The following IGSF9B variants were observed in gnomAD, a reference collection of about 807,000 sequenced individuals.
IGSF9B encodes protein turtle homolog B.
IGSF9B carries 48 observed loss-of-function variants against 143.7 expected under a neutral mutation model. The observed-to-expected ratio is 0.33, with a 90% CI of 0.26 to 0.42. IGSF9B has a LOEUF of 0.42. Ranked by LOEUF, IGSF9B falls within the 20% of genes least tolerant of loss-of-function variation. The pLI, the probability that IGSF9B is intolerant of heterozygous loss-of-function variation, is 1.00. For missense variants in IGSF9B, 1,706 were observed against 1,980.0 expected (o/e 0.86, Z 2.63); for synonymous variants, 903 against 833.1 (o/e 1.08, Z -1.44).
intron 18 of IGSF9B, among the ~76,000 whole-genome samples, chr11:133,914,049 C>A (rs1200359460): frequency 6.6e-6 from 1 of 152,164 alleles, no homozygotes; most frequent in Non-Finnish European, 1.5e-5. Context: ...ATTCTTCAAG[C>A]CAGGTGAAAC....
At chr11:133,937,776 G>C (rs754426072) in intron 4 of IGSF9B, 34 bp downstream of exon 4, 29 of 1,597,710 alleles carry the variant, frequency 1.8e-5, no homozygotes, top group South Asian at 1.1e-5. Flanking sequence ...CGGGGGAAGA[G>C]ACCGCAGCGG....
rs144348968 is a variant in IGSF9B at position 133,927,340 on chromosome 11, G to A, written c.1632-249C>T. Among the ~76,000 whole-genome samples the A allele has an allele frequency of 3.4e-3, 521 of 152,346 alleles. 3 individuals carry two copies. Among genetic ancestry groups the A allele is most frequent in the African/African-American group, 0.012 (487 of 41,582 alleles). On this transcript the variant is annotated intron_variant, in intron 12 of 19. Coordinates refer to ENST00000533871, the MANE Select transcript of IGSF9B (RefSeq NM_001277285.4). ...CCAAAGGGGCCTTTAGGTGCAAGTC[G>A]TGCTCAGGACACTGGTCAGATGGAT... is the stretch of plus-strand genomic sequence containing the variant.
intron 1 of IGSF9B, among the ~76,000 whole-genome samples, chr11:133,950,653 G>A (rs1940141615): frequency 6.6e-6 from 1 of 152,202 alleles, no homozygotes; most frequent in African/African-American, 2.4e-5. Flanking sequence ...ACCCCACACT[G>A]GGGACAGGTT....
chr11:133,919,204 C>A, intron 18 of IGSF9B: 10 of 381,484 alleles, frequency 2.6e-5, no homozygotes, highest in South Asian at 1.9e-4. Context: ...GAGGAGGGGG[C>A]TGGAGTCCGG....
At chr11:133,955,725 G>T (rs1940238549) in intron 1 of IGSF9B, among the ~76,000 whole-genome samples, 2 of 152,168 alleles carry the variant, frequency 1.3e-5, no homozygotes. Context: ...CCACCCAGAG[G>T]CTTGTAGGTC....
At position 133,909,047 on chromosome 11, in the gene IGSF9B, G is replaced by A. The variant is rs965811148; in HGVS notation, c.*22C>T. 1 of 1,529,558 alleles carries A rather than the reference G, an allele frequency of 6.5e-7. No homozygotes were observed. The highest frequency in any genetic ancestry group is 8.8e-7 in the Non-Finnish European group (1 of 1,141,522). 94.7% of individuals were successfully genotyped at this position (1,529,558 alleles called of 1,614,324 possible). A position where few individuals can be genotyped will look rare whatever the true frequency, so the allele number is the denominator to read the frequency against. ...CCTGAGCCCAGCAACCTCGCCCCGGGGACACCTAGAGTGGGGTGGAGTCAC... is the reference window on the plus strand; with the variant it reads ...CCTGAGCCCAGCAACCTCGCCCCGGAGACACCTAGAGTGGGGTGGAGTCAC... On this transcript the variant is annotated 3_prime_UTR_variant, in exon 20 of 20. Transcript: ENST00000533871. The surrounding 1 kb of genome is among the most constrained non-coding windows in gnomAD (Gnocchi z 4.2).
intron 18 of IGSF9B, among the ~76,000 whole-genome samples, chr11:133,916,609 G>A (rs1412204963): frequency 1.3e-5 from 2 of 152,216 alleles, no homozygotes; most frequent in Non-Finnish European, 2.9e-5. Context: ...GTCCCTCATC[G>A]CTGCCCCTGG....
rs1939065475 is a variant in IGSF9B at position 133,898,800 on chromosome 11, C to T, written c.*10269G>A. 6.6e-6 allele frequency: 1 copy of T among 152,332 alleles called. No homozygotes were observed. Among genetic ancestry groups the T allele is most frequent in the Non-Finnish European group, 1.5e-5 (1 of 68,096 alleles). 9.4% of individuals were successfully genotyped at this position (152,332 alleles called of 1,614,324 possible). On this transcript the variant is annotated 3_prime_UTR_variant, in exon 20 of 20. Transcript: ENST00000533871. ...AGTCCCTGGACTCTGAGACTCCACC[C>T]TCCAATGCCACAGGCAACCCCCTGT...
In IGSF9B at chr11:133,902,689, G is replaced by A. The variant is rs1015414358; in HGVS notation, c.*6380C>T. Among the ~76,000 whole-genome samples the A allele has an allele frequency of 2.0e-5, 3 of 152,178 alleles. No homozygotes were observed. The highest frequency in any genetic ancestry group is 4.4e-5 in the Non-Finnish European group (3 of 68,036). On this transcript the variant is annotated 3_prime_UTR_variant, in exon 20 of 20. Transcript: ENST00000533871. ...CTGGTGCCTGCAGAAGGACACATGA[G>A]ACAATCCCTTCTCCAGCCCTGCCAG...
rs887057151 is a variant in IGSF9B at position 133,913,085 on chromosome 11, A to G, written c.3984-1078T>C. Among the ~76,000 whole-genome samples the G allele has an allele frequency of 2.0e-5, 3 of 151,902 alleles. No homozygotes were observed. The highest frequency in any genetic ancestry group is 4.9e-5 in the African/African-American group (2 of 41,154). On this transcript the variant is annotated intron_variant, in intron 18 of 19. Coordinates refer to ENST00000533871, the MANE Select transcript of IGSF9B (RefSeq NM_001277285.4). The surrounding 1 kb of genome is among the most constrained non-coding windows in gnomAD (Gnocchi z 4.6). ...GGAGCCTGAGGAATGAAGGGGAAAG[A>G]GAAAAAGACAGGTCACTCTGTCTTC...
At chr11:133,934,439 CTTCTCAACTCGCTTT>C (rs1382705701) in intron 7 of IGSF9B, among the ~76,000 whole-genome samples, 1 of 152,260 alleles carries the variant, frequency 6.6e-6, no homozygotes, top group Non-Finnish European at 1.5e-5. Context: ...GTATGAATAA[CTTCTCAACTCGCTTT>C]TTCCCGCTGC....
chr11:133,923,595 T>C (rs1162603157), intron 15 of IGSF9B, among the ~76,000 whole-genome samples: 1 of 152,214 alleles, frequency 6.6e-6, no homozygotes, highest in Non-Finnish European at 1.5e-5. Flanking sequence ...AATCGATAGA[T>C]TGTAACGTAT....
Position 133,902,396 on chromosome 11 carries a change from C to T in IGSF9B, c.*6673G>A, listed in dbSNP as rs961256688. On this transcript the variant is annotated 3_prime_UTR_variant, in exon 20 of 20. Coordinates refer to ENST00000533871, the MANE Select transcript of IGSF9B (RefSeq NM_001277285.4). ...ACCACACACAACACACCACACAATA[C>T]GCACAACACATACCACACACAATAC... Among the ~76,000 whole-genome samples, 8 of 136,914 alleles carry T rather than the reference C, an allele frequency of 5.8e-5. No homozygotes were observed. The highest frequency in any genetic ancestry group is 1.3e-4 in the Non-Finnish European group (8 of 62,844). 89.8% of individuals were successfully genotyped at this position (136,914 alleles called of 152,430 possible).
chr11:133,955,390 C>A (rs186192034), intron 1 of IGSF9B, among the ~76,000 whole-genome samples: 35 of 152,370 alleles, frequency 2.3e-4, no homozygotes, highest in African/African-American at 8.4e-4. Flanking sequence ...CCACCACCCC[C>A]CTCAGAAGCA....
intron 7 of IGSF9B, among the ~76,000 whole-genome samples, chr11:133,934,390 T>C (rs1360271566): frequency 6.6e-6 from 1 of 152,212 alleles, no homozygotes; most frequent in Non-Finnish European, 1.5e-5. Flanking sequence ...CCTGCAGCTC[T>C]TCCCCACCCC....
At position 133,906,329 on chromosome 11, in the gene IGSF9B, C is replaced by T. The variant is rs1221865256; in HGVS notation, c.*2740G>A. Among the ~76,000 whole-genome samples, 1 of 152,238 alleles carries T rather than the reference C, an allele frequency of 6.6e-6. No individual in the cohort carries two copies. The highest frequency in any genetic ancestry group is 2.4e-5 in the African/African-American group (1 of 41,452). On this transcript the variant is annotated 3_prime_UTR_variant, in exon 20 of 20. Transcript: ENST00000533871. ...ACGGAGGGAACTGCGTTCCACCAATCCCATCGCCGTCCACGGGCTGCAGGA... is the reference window on the plus strand; with the variant it reads ...ACGGAGGGAACTGCGTTCCACCAATTCCATCGCCGTCCACGGGCTGCAGGA...
rs1939255252 is a variant in IGSF9B, at chr11:133,908,916, T to C, written c.*153A>G. On this transcript the variant is annotated 3_prime_UTR_variant, in exon 20 of 20. Coordinates refer to ENST00000533871, the MANE Select transcript of IGSF9B (RefSeq NM_001277285.4). ...GTCCTGAAGACAGGCGGCCAGGATC[T>C]GGAGGGAGACACCCGCTCTGGCAAA... 1 of 658,460 alleles carries C rather than the reference T, an allele frequency of 1.5e-6. No individual in the cohort carries two copies. The highest frequency in any genetic ancestry group is 2.7e-5 in the East Asian group (1 of 36,388). The allele number at this position is 658,460 out of a possible 1,614,324, so 40.8% of individuals were successfully genotyped here.
chr11:133,905,620 C>CT lies in IGSF9B; in HGVS notation c.*3448dup, dbSNP rs564722640. ...TTCCCCCAAGCGCATGGTTGTGGGA[C>CT]TAAGCACCTCAAAGGAGGGCACAGA... On this transcript the variant is annotated 3_prime_UTR_variant, in exon 20 of 20. Coordinates refer to ENST00000533871, the MANE Select transcript of IGSF9B (RefSeq NM_001277285.4). The surrounding 1 kb of genome is among the most constrained non-coding windows in gnomAD (Gnocchi z 4.0). 1.5e-4 allele frequency among the ~76,000 whole-genome samples: 23 copies of CT among 152,246 alleles called. No homozygotes were observed. The highest frequency in any genetic ancestry group is 2.8e-4 in the Non-Finnish European group (19 of 68,038).
At chr11:133,941,383 C>G (rs957288145) in intron 3 of IGSF9B, among the ~76,000 whole-genome samples, 1 of 152,166 alleles carries the variant, frequency 6.6e-6, no homozygotes, top group Non-Finnish European at 1.5e-5. Flanking sequence ...AAGAAAACAC[C>G]GAAGGAAAAT....
Sources: gnomAD v4.1 joint callset for allele counts (sites outside exome capture counted in the v4.1 genomes callset) on GRCh38, gnomAD v4.1.1 for gene constraint, Gnocchi (gnomAD v3.1) non-coding constraint, MANE v1.5 for transcripts, NCBI Gene and HGNC (gene_info 2026-07-23, HGNC 2026-07-21) for gene names.